The following CLOCK variants were observed in gnomAD, a reference collection of about 807,000 sequenced individuals.
CLOCK encodes the protein circadian locomoter output cycles protein kaput.
A neutral mutation model predicts 118.4 loss-of-function variants in CLOCK; 43 were observed. The ratio of observed to expected loss-of-function variants is 0.36; its 90% CI spans 0.28 to 0.47. CLOCK has a LOEUF of 0.47. CLOCK is among the 20% of genes least tolerant of loss of function. The pLI is 1.00. For synonymous variants in CLOCK, 326 were observed against 339.2 expected (o/e 0.96, Z 0.43); for missense variants, 846 against 999.9 (o/e 0.85, Z 2.08).
Position 55,430,384 on chromosome 4 carries a change from T to C in CLOCK, c.*5031A>G, listed in dbSNP as rs1037820542. On this transcript the variant is annotated 3_prime_UTR_variant, in exon 23 of 23. Transcript: ENST00000513440. ...AAGAAAAACAAGGAATGTAGTGTTA[T>C]GACATAGGGGGAAAAAACTATGCAA... is the stretch of plus-strand genomic sequence containing the variant. The C allele has an allele frequency of 6.6e-6, 1 of 152,166 alleles. No individual in the cohort carries two copies. The highest frequency in any genetic ancestry group is 2.4e-5 in the African/African-American group (1 of 41,458). The allele number at this position is 152,166 out of a possible 1,614,324, so 9.4% of individuals were successfully genotyped here.
intron 2 of CLOCK, among the ~76,000 whole-genome samples, chr4:55,499,919 G>A (rs993852032): frequency 1.3e-5 from 2 of 152,266 alleles, no homozygotes; most frequent in African/African-American, 4.8e-5. Flanking sequence ...GACTTCCAAA[G>A]CATGCTCCAG....
intron 8 of CLOCK, among the ~76,000 whole-genome samples, chr4:55,467,296 C>T (rs1281835323): frequency 6.6e-6 from 1 of 152,146 alleles, no homozygotes; most frequent in African/African-American, 2.4e-5. Flanking sequence ...CATTTTCATA[C>T]ATTCAACAAA....
At chr4:55,498,763 G>A (rs1261845247) in intron 2 of CLOCK, among the ~76,000 whole-genome samples, 1 of 152,092 alleles carries the variant, frequency 6.6e-6, no homozygotes, top group Admixed American at 6.6e-5. Context: ...ACGTAAGTAG[G>A]AGTAAATATA....
At chr4:55,485,261 G>A (rs753723886) in intron 3 of CLOCK, among the ~76,000 whole-genome samples, 10 of 152,174 alleles carry the variant, frequency 6.6e-5, no homozygotes, top group African/African-American at 1.7e-4. Flanking sequence ...CACCATGACC[G>A]GTCAGATATA....
At chr4:55,451,250 G>A (rs1724421661) in intron 15 of CLOCK, among the ~76,000 whole-genome samples, 1 of 152,130 alleles carries the variant, frequency 6.6e-6, no homozygotes, top group South Asian at 2.1e-4. Context: ...TGAATTAAAT[G>A]TTAAAGTTAA....
intron 8 of CLOCK, among the ~76,000 whole-genome samples, chr4:55,469,383 A>T (rs1455005502): frequency 1.3e-5 from 2 of 152,188 alleles, no homozygotes; most frequent in African/African-American, 4.8e-5. Flanking sequence ...GGCATTAGCC[A>T]CCACACCCAG....
intron 1 of CLOCK, among the ~76,000 whole-genome samples, chr4:55,511,304 A>G (rs1224598238): frequency 2.0e-5 from 3 of 152,120 alleles, no homozygotes; most frequent in Non-Finnish European, 4.4e-5. Context: ...TTAATGACAC[A>G]GTCCAATCAT....
At chr4:55,546,031 T>G (rs948154874) in intron 1 of CLOCK, 12 of 152,274 alleles carry the variant, frequency 7.9e-5, no homozygotes, top group Non-Finnish European at 1.6e-4. Flanking sequence ...GACTGCGGAC[T>G]GCGGCACGCG....
intron 1 of CLOCK, among the ~76,000 whole-genome samples, chr4:55,544,416 T>C (rs1470794895): frequency 6.6e-6 from 1 of 152,126 alleles, no homozygotes; most frequent in African/African-American, 2.4e-5. Context: ...AAACACAAAC[T>C]ACACTCTGAA....
At chr4:55,512,847 T>C (rs1729252440) in intron 1 of CLOCK, among the ~76,000 whole-genome samples, 1 of 152,224 alleles carries the variant, frequency 6.6e-6, no homozygotes. Context: ...TGTTCCTCTG[T>C]GAACCATTAG....
chr4:55,463,926 A>G (rs73236143), intron 8 of CLOCK, 121 bp from the exon 9 acceptor site: 2 of 981,814 alleles, frequency 2.0e-6, no homozygotes, highest in African/African-American at 1.6e-5. Context: ...AAACCAACAA[A>G]TGTCAAGTTA....
At chr4:55,513,938 T>C (rs890974751) in intron 1 of CLOCK, among the ~76,000 whole-genome samples, 1 of 152,138 alleles carries the variant, frequency 6.6e-6, no homozygotes, top group African/African-American at 2.4e-5. Context: ...TGCTGGTATA[T>C]AGGAATATAA....
intron 18 of CLOCK, 27 bp downstream of exon 18, chr4:55,448,752 G>C (rs369052782): frequency 3.2e-6 from 5 of 1,554,252 alleles, no homozygotes; most frequent in Non-Finnish European, 4.4e-6. Flanking sequence ...ATTCAAATAC[G>C]CAACTGAAAC....
intron 3 of CLOCK, chr4:55,486,548 G>A (rs546934140): frequency 6.6e-6 from 1 of 152,192 alleles, no homozygotes; most frequent in South Asian, 2.1e-4. Flanking sequence ...TCCAATAACT[G>A]CCTAAGAAAG....
chr4:55,480,652 A>T (rs538857275), intron 4 of CLOCK, among the ~76,000 whole-genome samples: 1 of 152,298 alleles, frequency 6.6e-6, no homozygotes. Flanking sequence ...GCATTTTGGG[A>T]GGCCGAGGCG....
Position 55,430,652 on chromosome 4 carries a change from T to C in CLOCK, c.*4763A>G, listed in dbSNP as rs956680093. On this transcript the variant is annotated 3_prime_UTR_variant, in exon 23 of 23. Transcript: ENST00000513440. ...ATTACAAGAGCAATTCAAATGGAAA[T>C]GCTGAAATGACATGCCAACATTTCA... 1 of 152,184 alleles carries C rather than the reference T, an allele frequency of 6.6e-6. No homozygotes were observed. The highest frequency in any genetic ancestry group is 1.5e-5 in the Non-Finnish European group (1 of 68,020). 9.4% of individuals were successfully genotyped at this position (152,184 alleles called of 1,614,324 possible).
chr4:55,471,163 G>T (rs894722201), intron 7 of CLOCK, among the ~76,000 whole-genome samples: 1 of 152,154 alleles, frequency 6.6e-6, no homozygotes, highest in Non-Finnish European at 1.5e-5. Flanking sequence ...CATCAACAAT[G>T]TTTTGTAGGC....
chr4:55,434,002 T>C lies in CLOCK; in HGVS notation c.*1413A>G, dbSNP rs1005349670. 6.5e-6 allele frequency: 1 copy of C among 152,726 alleles called. No individual in the cohort carries two copies. Among genetic ancestry groups the C allele is most frequent in the Middle Eastern group, 3.4e-3 (1 of 294 alleles). The allele number at this position is 152,726 out of a possible 1,614,324, so 9.5% of individuals were successfully genotyped here. ...TTTAGGATCACATTAATAACTATGA[T>C]AGTGTTAGGTTATCATCTTTTATTT... On this transcript the variant is annotated 3_prime_UTR_variant, in exon 23 of 23. Coordinates refer to ENST00000513440, the MANE Select transcript of CLOCK (RefSeq NM_004898.4).
chr4:55,510,485 G>A (rs950197479), intron 1 of CLOCK, among the ~76,000 whole-genome samples: 5 of 152,056 alleles, frequency 3.3e-5, no homozygotes, highest in African/African-American at 1.2e-4. Context: ...AAATTAGCCA[G>A]GCATGGTGGC....
Sources: gnomAD v4.1 joint callset for allele counts (sites outside exome capture counted in the v4.1 genomes callset) on GRCh38, gnomAD v4.1.1 for gene constraint, MANE v1.5 for transcripts, NCBI Gene and HGNC (gene_info 2026-07-23, HGNC 2026-07-21) for gene names.